Variants in RASSF3 observed in about 807,000 individuals in gnomAD.
RASSF3 encodes the protein ras association domain-containing protein 3.
RASSF3 carries 19 observed loss-of-function variants against 19.9 expected under a neutral mutation model. The ratio of observed to expected loss-of-function variants is 0.96; its 90% CI spans 0.67 to 1.40. The LOEUF is 1.40. RASSF3 is among the 40% of genes most tolerant of loss of function. The pLI is 0.00. For synonymous variants in RASSF3, 110 were observed against 104.2 expected, an observed-to-expected ratio of 1.06 and a Z score of -0.34; for missense variants, 306 against 289.8, an observed-to-expected ratio of 1.06 and a Z score of -0.41.
At chr12:64,623,472 A>G (rs1870866922) in intron 1 of RASSF3, among the ~76,000 whole-genome samples, 1 of 152,146 alleles carries the variant, frequency 6.6e-6, no homozygotes, top group African/African-American at 2.4e-5. Flanking sequence ...GTAGTGAGTA[A>G]TTTCCCAGCT....
At position 64,547,994 on chromosome 12, in the gene RASSF3, C is replaced by T. The variant is rs150770112; in HGVS notation, c.294+6289C>T. On this transcript the variant is annotated intron_variant, in intron 2 of 5. Coordinates refer to the RASSF3 transcript ENST00000637125. ...TGTCCATTGTCTATATGTATTTCTT[C>T]GTAAAACTGGAAATCAGTATTTGGA... Among the ~76,000 whole-genome samples, 5 of 152,046 alleles carry T rather than the reference C, an allele frequency of 3.3e-5. No individual in the cohort carries two copies. In the East Asian group the frequency reaches 5.8e-4, roughly 18 times the overall value.
At chr12:64,605,584 C>T (rs1870176516), upstream of RASSF3, among the ~76,000 whole-genome samples, 2 of 152,034 alleles carry the variant, frequency 1.3e-5, no homozygotes, top group Non-Finnish European at 2.9e-5. Context: ...GTCAACTCAA[C>T]TGGCTTAAAC....
chr12:64,523,352 G>C (rs772495017), intron 1 of RASSF3, among the ~76,000 whole-genome samples: 2 of 152,096 alleles, frequency 1.3e-5, no homozygotes, highest in Non-Finnish European at 2.9e-5. Flanking sequence ...GTTGCAGTGA[G>C]CCAAGATCAC....
At chr12:64,515,672 T>G (rs1371194920) in intron 1 of RASSF3, 1 of 152,050 alleles carries the variant, frequency 6.6e-6, no homozygotes, top group African/African-American at 2.4e-5. Flanking sequence ...TGCTTTGGAG[T>G]GGGCTTTTAA....
At chr12:64,677,521 C>T (rs1314015827) in intron 1 of RASSF3, among the ~76,000 whole-genome samples, 5 of 152,090 alleles carry the variant, frequency 3.3e-5, no homozygotes, top group South Asian at 4.1e-4. Flanking sequence ...GTGACCCTTC[C>T]GCCTCAGCTT....
rs543608031 is a variant in RASSF3 at position 64,610,694 on chromosome 12, C to T, written c.62C>T (p.Thr21Ile). ...GAGGACTTCTTCTTCACCGCCAGGACCTCCTTCTTCAGGAGAGCGCCCCAG... is the reference window on the plus strand; with the variant it reads ...GAGGACTTCTTCTTCACCGCCAGGATCTCCTTCTTCAGGAGAGCGCCCCAG... ...DAEDFFFTAR[T>I]SFFRRAPQGK... The change falls in exon 1 of 5, where the codon ACC becomes ATC. Residue 21 changes from threonine to isoleucine, a missense_variant. Physicochemically the swap from Thr to Ile is moderately conservative, Grantham distance 89. Coordinates refer to ENST00000542104, the MANE Select transcript of RASSF3 (RefSeq NM_178169.4). The T allele has an allele frequency of 3.1e-6, 5 of 1,596,186 alleles. No individual in the cohort carries two copies. Among genetic ancestry groups the T allele is most frequent in the Middle Eastern group, 1.7e-4 (1 of 5,994 alleles).
chr12:64,508,760 T>C (rs1166685071), intron 1 of RASSF3, among the ~76,000 whole-genome samples: 3 of 151,978 alleles, frequency 2.0e-5, no homozygotes, highest in East Asian at 3.9e-4. Context: ...AGCACATGCC[T>C]GTAATCCCAG....
Position 64,521,874 on chromosome 12 carries a change from A to T in RASSF3, c.169+14545A>T, listed in dbSNP as rs1164879231. On this transcript the variant is annotated intron_variant, in intron 1 of 5. Coordinates refer to the RASSF3 transcript ENST00000637125. ...AGAAGAAGTAAATTTTAGTTTCAGC[A>T]ATGCCTGAGTCTGAGCTCTCCTCCC... is the stretch of plus-strand genomic sequence containing the variant. Among the ~76,000 whole-genome samples the T allele has an allele frequency of 2.0e-5, 3 of 152,206 alleles. No homozygotes were observed. The East Asian group carries it at 5.8e-4, about 29-fold the overall frequency.
chr12:64,557,620 T>G (rs1869276173), intron 2 of RASSF3, among the ~76,000 whole-genome samples: 1 of 151,978 alleles, frequency 6.6e-6, no homozygotes, highest in South Asian at 2.1e-4. Context: ...TGATGGTAGG[T>G]AAGGCTGCTC....
intron 2 of RASSF3, among the ~76,000 whole-genome samples, chr12:64,686,406 A>C (rs535805316): frequency 1.3e-5 from 2 of 152,100 alleles, no homozygotes; most frequent in South Asian, 4.1e-4. Context: ...AGGTCAGGAG[A>C]TCGAGACCAT....
intron 2 of RASSF3, among the ~76,000 whole-genome samples, chr12:64,550,000 TTTGA>T (rs1235818862): frequency 6.6e-6 from 1 of 152,104 alleles, no homozygotes; most frequent in Non-Finnish European, 1.5e-5. Flanking sequence ...TTATTCTCAC[TTTGA>T]TTGATGAGGG....
chr12:64,586,588 A>G (rs1340008481), intron 2 of RASSF3, among the ~76,000 whole-genome samples: 2 of 151,070 alleles, frequency 1.3e-5, no homozygotes, highest in Non-Finnish European at 3.0e-5. Context: ...AAGTATTATT[A>G]TTATTATCCT....
chr12:64,670,370 G>GTTTTTTT (rs113065463), intron 1 of RASSF3, among the ~76,000 whole-genome samples: 12 of 143,750 alleles, frequency 8.3e-5, no homozygotes, highest in South Asian at 2.2e-4. Flanking sequence ...AGATTTTACT[G>GTTTTTTT]TTTTTTTTTT....
rs745397854 is a variant in RASSF3 at position 64,694,805 on chromosome 12, A to G, written c.610A>G (p.Ile204Val). 1.2e-6 allele frequency: 2 copies of G among 1,614,200 alleles called. No individual in the cohort carries two copies. Among genetic ancestry groups the G allele is most frequent in the Non-Finnish European group, 1.7e-6 (2 of 1,180,034 alleles). Residue 204 changes from isoleucine to valine, a missense_variant, in exon 5 of 5, where the codon ATC becomes GTC. Coordinates refer to ENST00000542104, the MANE Select transcript of RASSF3 (RefSeq NM_178169.4). ...TCCAGAACTACAGAATTTCTTGCGC[A>G]TCTTGGACAAGGAAGAAGATGAACA... ...SLPELQNFLR[I>V]LDKEEDEQLQ...
intron 1 of RASSF3, among the ~76,000 whole-genome samples, chr12:64,641,685 G>A (rs1024469078): frequency 5.3e-5 from 8 of 150,362 alleles, no homozygotes; most frequent in African/African-American, 2.0e-4. Flanking sequence ...GCATTTAAGC[G>A]GTTGAATATC....
chr12:64,542,024 G>C (rs1565835760), downstream of RASSF3, among the ~76,000 whole-genome samples: 2 of 152,074 alleles, frequency 1.3e-5, no homozygotes, highest in Non-Finnish European at 2.9e-5. Flanking sequence ...ACTTCCTGCT[G>C]CGGAAAATAG....
intron 1 of RASSF3, among the ~76,000 whole-genome samples, chr12:64,665,867 A>C (rs1872527260): frequency 6.6e-6 from 1 of 152,210 alleles, no homozygotes; most frequent in Admixed American, 6.5e-5. Context: ...GCTGAGCCCC[A>C]GTTTGGGAGC....
intron 1 of RASSF3, among the ~76,000 whole-genome samples, chr12:64,539,315 C>T (rs938045692): frequency 2.0e-5 from 3 of 152,096 alleles, no homozygotes; most frequent in African/African-American, 7.2e-5. Flanking sequence ...GGGGGCCCTA[C>T]CCTGATGGCC....
chr12:64,685,032 G>T, intron 2 of RASSF3, 138 bp downstream of exon 2: 1 of 544,864 alleles, frequency 1.8e-6, no homozygotes, highest in Non-Finnish European at 3.2e-6. Flanking sequence ...ACAGGAAAGT[G>T]GAATATTTCT....
Sources: allele counts gnomAD v4.1 joint callset (sites outside exome capture counted in the v4.1 genomes callset), GRCh38; gene constraint gnomAD v4.1.1; transcripts MANE v1.5; gene names NCBI Gene and HGNC (gene_info 2026-07-23, HGNC 2026-07-21).